The following TNIK variants were observed in gnomAD, a reference collection of about 807,000 sequenced individuals.
TNIK encodes TRAF2 and NCK interacting kinase.
Under a neutral mutation model 191.3 loss-of-function variants are expected in TNIK, and 49 were observed. That is an observed-to-expected ratio of 0.26 (90% CI 0.20 to 0.32). TNIK has a LOEUF of 0.32. Ranked by LOEUF, TNIK falls within the 10% of genes least tolerant of loss-of-function variation. The pLI is 1.00. For missense variants in TNIK, 1,155 were observed against 1,702.3 expected, an observed-to-expected ratio of 0.68 and a Z score of 5.66; for synonymous variants, 594 against 600.9, an observed-to-expected ratio of 0.99 and a Z score of 0.17.
chr3:171,119,269 A>C (rs1359162255), intron 18 of TNIK, among the ~76,000 whole-genome samples: 1 of 152,240 alleles, frequency 6.6e-6, no homozygotes, highest in Non-Finnish European at 1.5e-5. Flanking sequence ...GTGAATGGCG[A>C]TCATTAAAAA....
At chr3:171,066,896 G>C (rs1718510019) in intron 30 of TNIK, among the ~76,000 whole-genome samples, 161 bp from the exon 31 acceptor site, 1 of 152,034 alleles carries the variant, frequency 6.6e-6, no homozygotes, top group Admixed American at 6.6e-5. Context: ...AAATACCCTG[G>C]TAAATCAAAC....
At chr3:171,317,506 T>A (rs1203469906) in intron 2 of TNIK, among the ~76,000 whole-genome samples, 5 of 152,166 alleles carry the variant, frequency 3.3e-5, no homozygotes, top group African/African-American at 9.6e-5. Flanking sequence ...TAGGAAGAAG[T>A]ATTCAGTCAC....
chr3:171,323,528 G>A (rs1229062420), intron 2 of TNIK, among the ~76,000 whole-genome samples: 3 of 152,138 alleles, frequency 2.0e-5, no homozygotes, highest in Admixed American at 1.3e-4. Context: ...GTTGGGCACT[G>A]ACAATTTCGG....
chr3:171,228,259 A>C, intron 2 of TNIK, 38 bp from the exon 3 acceptor site: 1 of 1,611,734 alleles, frequency 6.2e-7, no homozygotes, highest in South Asian at 1.1e-5. Flanking sequence ...TTTAGTTCTG[A>C]TGATGAATAG....
intron 1 of TNIK, among the ~76,000 whole-genome samples, chr3:171,403,611 C>CAAAAAAAAA (rs57982642): frequency 5.1e-4 from 51 of 100,126 alleles, no homozygotes; most frequent in East Asian, 1.6e-3. Flanking sequence ...GACTCCGTAT[C>CAAAAAAAAA]AAAAAAAAAA....
chr3:171,290,786 TAAGAA>T (rs1751598198), intron 2 of TNIK, among the ~76,000 whole-genome samples: 1 of 152,134 alleles, frequency 6.6e-6, no homozygotes, highest in Admixed American at 6.5e-5. Flanking sequence ...TTTATGGAGA[TAAGAA>T]AACAAGTGTG....
chr3:171,441,589 C>A (rs1162119318), intron 1 of TNIK, among the ~76,000 whole-genome samples: 1 of 152,144 alleles, frequency 6.6e-6, no homozygotes, highest in South Asian at 2.1e-4. Flanking sequence ...CATTTTTGGG[C>A]CACTGTGAAT....
intron 2 of TNIK, among the ~76,000 whole-genome samples, chr3:171,242,021 G>T (rs1181679692): frequency 2.0e-5 from 3 of 151,822 alleles, no homozygotes; most frequent in Non-Finnish European, 4.4e-5. Flanking sequence ...GTTGTGGGGT[G>T]GGGGGAAGGG....
At chr3:171,172,305 AAG>A (rs1735393685) in intron 9 of TNIK, among the ~76,000 whole-genome samples, 2 of 152,226 alleles carry the variant, frequency 1.3e-5, no homozygotes, top group South Asian at 4.1e-4. Flanking sequence ...CACTGAGAAC[AAG>A]GCATTTAACC....
chr3:171,406,230 G>A (rs145770144), intron 1 of TNIK, among the ~76,000 whole-genome samples: 10 of 152,076 alleles, frequency 6.6e-5, no homozygotes, highest in African/African-American at 1.4e-4. Context: ...CACACATTCC[G>A]TAATCTCGGA....
intron 3 of TNIK, among the ~76,000 whole-genome samples, chr3:171,218,921 T>A (rs1378269853): frequency 7.5e-6 from 1 of 133,892 alleles, no homozygotes; most frequent in Non-Finnish European, 1.5e-5. Flanking sequence ...AAATATATAT[T>A]TTTATATGTT....
At chr3:171,394,737 G>A (rs975504732) in intron 1 of TNIK, among the ~76,000 whole-genome samples, 3 of 152,162 alleles carry the variant, frequency 2.0e-5, no homozygotes, top group African/African-American at 7.2e-5. Flanking sequence ...AAGAAAAATT[G>A]TTTCTTAGTT....
chr3:171,278,881 G>A (rs1187327791), intron 2 of TNIK, among the ~76,000 whole-genome samples: 1 of 152,138 alleles, frequency 6.6e-6, no homozygotes, highest in Admixed American at 6.5e-5. Context: ...GTATAGAATT[G>A]TATCAGAATT....
chr3:171,364,252 G>A (rs770044787), intron 2 of TNIK, among the ~76,000 whole-genome samples: 2 of 151,962 alleles, frequency 1.3e-5, no homozygotes, highest in Non-Finnish European at 2.9e-5. Flanking sequence ...TCTGCCAGGA[G>A]ACCAGACCCC....
chr3:171,208,772 C>T (rs1258391773), intron 4 of TNIK, among the ~76,000 whole-genome samples: 2 of 152,126 alleles, frequency 1.3e-5, no homozygotes, highest in African/African-American at 4.8e-5. Flanking sequence ...GTTGGTCAGG[C>T]TGGTCTCAAA....
intron 2 of TNIK, among the ~76,000 whole-genome samples, chr3:171,304,788 C>T (rs1449615051): frequency 6.6e-6 from 1 of 151,902 alleles, no homozygotes; most frequent in Non-Finnish European, 1.5e-5. Flanking sequence ...CATGTTCTCA[C>T]TCAGGTGGGA....
chr3:171,066,771 A>G, intron 30 of TNIK, 36 bp from the exon 31 acceptor site: 1 of 1,590,996 alleles, frequency 6.3e-7, no homozygotes, highest in Non-Finnish European at 8.6e-7. Flanking sequence ...TTATTCTTTT[A>G]AAAAATAAAA....
chr3:171,259,707 C>T (rs1420341451), intron 2 of TNIK, among the ~76,000 whole-genome samples: 2 of 152,174 alleles, frequency 1.3e-5, no homozygotes, highest in Non-Finnish European at 2.9e-5. Flanking sequence ...GTATCCACAA[C>T]TGAAAAGCAC....
intron 2 of TNIK, among the ~76,000 whole-genome samples, chr3:171,307,061 G>T (rs1490365459): frequency 6.6e-6 from 1 of 152,142 alleles, no homozygotes; most frequent in East Asian, 1.9e-4. Flanking sequence ...ACGGCCAGAG[G>T]TTGATAGTAA....
Sources: allele counts gnomAD v4.1 joint callset (sites outside exome capture counted in the v4.1 genomes callset), GRCh38; gene constraint gnomAD v4.1.1; transcripts MANE v1.5; gene names NCBI Gene and HGNC (gene_info 2026-07-23, HGNC 2026-07-21).